The following EML1 variants were observed in gnomAD, a reference collection of about 807,000 sequenced individuals.
EML1 encodes the protein EMAP like 1.
Under a neutral mutation model 110.4 loss-of-function variants are expected in EML1, and 27 were observed. The ratio of observed to expected loss-of-function variants is 0.24; its 90% CI spans 0.18 to 0.34. The LOEUF (loss-of-function observed/expected upper bound fraction) is 0.34. Ranked by LOEUF, EML1 falls within the 10% of genes least tolerant of loss-of-function variation. EML1 has a pLI of 1.00. For missense variants in EML1, 741 were observed against 1,030.9 expected, an observed-to-expected ratio of 0.72 and a Z score of 3.85; for synonymous variants, 344 against 385.8, an observed-to-expected ratio of 0.89 and a Z score of 1.27.
At chr14:99,869,402 T>C (rs2059157311) in intron 3 of EML1, among the ~76,000 whole-genome samples, 1 of 152,140 alleles carries the variant, frequency 6.6e-6, no homozygotes, top group Admixed American at 6.5e-5. Context: ...TCCATAAATG[T>C]GGTTTGTGTC....
intron 1 of EML1, among the ~76,000 whole-genome samples, chr14:99,780,522 T>C (rs1232257297): frequency 6.6e-6 from 1 of 152,140 alleles, no homozygotes; most frequent in African/African-American, 2.4e-5. Flanking sequence ...TCAGGAGTTT[T>C]AGCAGAACAT....
chr14:99,939,410 GGGCTGTGAGCGACTGCTGCCAGCCACAAA>G lies in EML1; in HGVS notation c.2322+87_2322+115del. 6.4e-7 allele frequency: 1 copy of G among 1,572,356 alleles called. No individual in the cohort carries two copies. The highest frequency in any genetic ancestry group is 1.8e-5 in the Admixed American group (1 of 56,308). ...ACCTGTTTGGAGACTAAGTGGAAAT[GGGCTGTGAGCGACTGCTGCCAGCCACAAA>G]GGCAGATGTGACTCTGTTCTTTGCG... On this transcript the variant is annotated intron_variant, in intron 21 of 21. Coordinates refer to ENST00000262233, the MANE Select transcript of EML1 (RefSeq NM_004434.3). This position sits in a 1 kb window ranked among gnomAD's most constrained non-coding sequence, Gnocchi z 4.2.
At chr14:99,755,300 C>T (rs1011820839) in intron 1 of EML1, among the ~76,000 whole-genome samples, 2 of 152,226 alleles carry the variant, frequency 1.3e-5, no homozygotes, top group African/African-American at 2.4e-5. Context: ...CCCGGGGAGC[C>T]TGGGGCTGCC....
chr14:99,926,742 G>T (rs919122995), intron 17 of EML1, among the ~76,000 whole-genome samples: 13 of 151,014 alleles, frequency 8.6e-5, no homozygotes, highest in Non-Finnish European at 1.5e-4. Context: ...ACTGCACCCA[G>T]CTCTGCCTTT....
chr14:99,882,848 T>C (rs1227619682), intron 4 of EML1, among the ~76,000 whole-genome samples: 4 of 149,698 alleles, frequency 2.7e-5, no homozygotes, highest in African/African-American at 9.8e-5. Context: ...CACCTCAAAA[T>C]AGTGAAGACG....
In EML1 at chr14:99,833,049, G is replaced by C. The variant is rs60590253; in HGVS notation, c.68-17804G>C. ...TTTTGTTTTGTTTTTATGGATTGGG[G>C]TTTTGCTGTCATATCTACAAGATCT... On this transcript the variant is annotated intron_variant, in intron 1 of 21. Coordinates refer to ENST00000262233, the MANE Select transcript of EML1 (RefSeq NM_004434.3). 8.0e-3 allele frequency among the ~76,000 whole-genome samples: 1,221 copies of C among 152,202 alleles called. 20 individuals are homozygous for C. The highest frequency in any genetic ancestry group is 0.028 in the African/African-American group (1,148 of 41,528).
chr14:99,888,241 C>G (rs1050266538), intron 4 of EML1, among the ~76,000 whole-genome samples: 9 of 152,318 alleles, frequency 5.9e-5, no homozygotes, highest in Non-Finnish European at 7.3e-5. Flanking sequence ...CATTCTTCCT[C>G]TTACAGTTCT....
intron 13 of EML1, 44 bp from the exon 14 acceptor site, chr14:99,914,135 A>G: frequency 2.5e-6 from 4 of 1,585,040 alleles, no homozygotes; most frequent in Non-Finnish European, 3.5e-6. Context: ...TAACAACTGA[A>G]TGAAATTGTA....
At chr14:99,875,543 T>C (rs1471231744) in intron 3 of EML1, among the ~76,000 whole-genome samples, 1 of 152,204 alleles carries the variant, frequency 6.6e-6, no homozygotes, top group African/African-American at 2.4e-5. Flanking sequence ...TTTTCAGCTC[T>C]TTAAGGGTGT....
chr14:99,795,558 T>C (rs546155500), intron 1 of EML1, among the ~76,000 whole-genome samples: 3 of 152,302 alleles, frequency 2.0e-5, no homozygotes, highest in African/African-American at 7.2e-5. Context: ...CAACAGATGT[T>C]TTGATGTGAA....
At chr14:99,909,021 ACTCC>A (rs2059903613) in intron 10 of EML1, among the ~76,000 whole-genome samples, 1 of 152,082 alleles carries the variant, frequency 6.6e-6, no homozygotes, top group African/African-American at 2.4e-5. Context: ...TCTGGTCCCA[ACTCC>A]CTCCTCAGCA....
At chr14:99,868,023 A>G (rs1311207517) in intron 3 of EML1, among the ~76,000 whole-genome samples, 1 of 152,108 alleles carries the variant, frequency 6.6e-6, no homozygotes, top group African/African-American at 2.4e-5. Flanking sequence ...TTTTTTTATC[A>G]TGAAAAGGAG....
chr14:99,845,081 G>A (rs148805877), intron 1 of EML1, among the ~76,000 whole-genome samples: 1 of 152,288 alleles, frequency 6.6e-6, no homozygotes, highest in African/African-American at 2.4e-5. Context: ...TAAGAAAATG[G>A]TAAACTGTTT....
At chr14:99,831,315 A>G (rs2058447451) in intron 1 of EML1, among the ~76,000 whole-genome samples, 1 of 151,962 alleles carries the variant, frequency 6.6e-6, no homozygotes, top group South Asian at 2.1e-4. Context: ...TCGTAGTCTC[A>G]CTCTCTGAAC....
At chr14:99,810,940 A>C (rs971633061) in intron 1 of EML1, among the ~76,000 whole-genome samples, 3 of 152,094 alleles carry the variant, frequency 2.0e-5, no homozygotes, top group African/African-American at 7.2e-5. Context: ...GTACCCCCTA[A>C]ATATATACAA....
At chr14:99,934,144 T>C (rs2060424759) in intron 17 of EML1, among the ~76,000 whole-genome samples, 1 of 152,208 alleles carries the variant, frequency 6.6e-6, no homozygotes, top group African/African-American at 2.4e-5. Flanking sequence ...TATCATTAAG[T>C]GGCCATTGTT....
chr14:99,915,073 A>G (rs906542463), intron 15 of EML1: 3 of 265,304 alleles, frequency 1.1e-5, no homozygotes, highest in African/African-American at 4.7e-5. Flanking sequence ...TAAACACACG[A>G]TTGAATATAT....
chr14:99,857,976 C>G (rs1193327121), intron 2 of EML1, among the ~76,000 whole-genome samples: 1 of 152,194 alleles, frequency 6.6e-6, no homozygotes, highest in Non-Finnish European at 1.5e-5. Context: ...GTACAATGGA[C>G]AGCCCCATCT....
chr14:99,835,921 C>T (rs1254833531), intron 1 of EML1, among the ~76,000 whole-genome samples: 4 of 152,182 alleles, frequency 2.6e-5, no homozygotes, highest in Non-Finnish European at 5.9e-5. Flanking sequence ...AATTACATGA[C>T]GTCTTAATTA....
Sources: allele counts gnomAD v4.1 joint callset (sites outside exome capture counted in the v4.1 genomes callset), GRCh38; gene constraint gnomAD v4.1.1; non-coding constraint Gnocchi (gnomAD v3.1); transcripts MANE v1.5; gene names NCBI Gene and HGNC (gene_info 2026-07-23, HGNC 2026-07-21).